CNTN6: variants seen among roughly 807,000 people sequenced by gnomAD.
CNTN6 encodes contactin-6.
CNTN6 carries 137 observed loss-of-function variants against 122.8 expected under a neutral mutation model. That is an observed-to-expected ratio of 1.12 (90% CI 0.97 to 1.29). CNTN6 has a LOEUF of 1.29. CNTN6 is among the 50% of genes most tolerant of loss of function. CNTN6 has a pLI of 0.00. For synonymous variants in CNTN6, 570 were observed against 426.0 expected, an observed-to-expected ratio of 1.34 and a Z score of -4.16; for missense variants, 1,634 against 1,223.4, an observed-to-expected ratio of 1.34 and a Z score of -5.01.
chr3:1,373,869 T>C (rs1024190058), intron 15 of CNTN6, 55 bp from the exon 16 acceptor site: 7 of 1,505,076 alleles, frequency 4.7e-6, no homozygotes, highest in Non-Finnish European at 4.5e-6. Flanking sequence ...TTTTGTACAA[T>C]TATTTGTTTT....
At chr3:1,121,839 T>G (rs974395318) in intron 1 of CNTN6, among the ~76,000 whole-genome samples, 11 of 152,090 alleles carry the variant, frequency 7.2e-5, no homozygotes, top group Non-Finnish European at 1.3e-4. Flanking sequence ...ACTCCAAACA[T>G]GAGAAAACAC....
intron 5 of CNTN6, among the ~76,000 whole-genome samples, chr3:1,280,372 C>G (rs189915673): frequency 5.3e-4 from 79 of 149,964 alleles, no homozygotes; most frequent in African/African-American, 1.8e-3. Context: ...AATTAAGTCA[C>G]ACATTTACAA....
chr3:1,120,318 G>T (rs2091901746), intron 1 of CNTN6, among the ~76,000 whole-genome samples: 1 of 151,850 alleles, frequency 6.6e-6, no homozygotes, highest in South Asian at 2.1e-4. Context: ...ATTCCTGCCA[G>T]CAATATACGA....
chr3:1,272,117 C>G (rs535221048), intron 4 of CNTN6, among the ~76,000 whole-genome samples: 1 of 152,324 alleles, frequency 6.6e-6, no homozygotes, highest in Non-Finnish European at 1.5e-5. Flanking sequence ...GTAAGACATG[C>G]CTTTGCTCCT....
chr3:1,142,546 T>C (rs536023492), intron 1 of CNTN6, among the ~76,000 whole-genome samples: 2 of 152,138 alleles, frequency 1.3e-5, no homozygotes, highest in Non-Finnish European at 2.9e-5. Context: ...AAATATATTT[T>C]AGAGTTTAGA....
intron 7 of CNTN6, among the ~76,000 whole-genome samples, chr3:1,321,068 A>G (rs768222703): frequency 2.0e-5 from 3 of 151,548 alleles, no homozygotes; most frequent in African/African-American, 7.3e-5. Flanking sequence ...ACCAGTTCAT[A>G]TGGGTCTGTT....
intron 1 of CNTN6, among the ~76,000 whole-genome samples, chr3:1,136,823 G>C (rs2092486897): frequency 6.6e-6 from 1 of 152,086 alleles, no homozygotes; most frequent in African/African-American, 2.4e-5. Context: ...GGATTTTTCT[G>C]CCACTTATCA....
At chr3:1,271,942 G>T (rs1368072591) in intron 4 of CNTN6, among the ~76,000 whole-genome samples, 1 of 152,178 alleles carries the variant, frequency 6.6e-6, no homozygotes, top group Non-Finnish European at 1.5e-5. Context: ...TTAAATTGTA[G>T]TTGCCATAAT....
intron 11 of CNTN6, among the ~76,000 whole-genome samples, chr3:1,340,844 G>T (rs1265050665): frequency 6.6e-6 from 1 of 152,058 alleles, no homozygotes; most frequent in East Asian, 1.9e-4. Context: ...ACAGGGAGCT[G>T]GAGTGAAAGG....
Position 1,388,189 on chromosome 3 carries a change from T to C in CNTN6, c.2704+2392T>C, listed in dbSNP as rs549114429. Among the ~76,000 whole-genome samples, 66 of 150,606 alleles carry C rather than the reference T, an allele frequency of 4.4e-4. No homozygotes were observed. The South Asian group carries it at 5.7e-3, about 13-fold the overall frequency. On this transcript the variant is annotated intron_variant, in intron 20 of 22. Coordinates refer to ENST00000446702, the MANE Select transcript of CNTN6 (RefSeq NM_001289080.2). ...CTGACAGCTTTGAAGAGAGCACTGG[T>C]TCTCCCAGCATGCAGCTGGAGATCT...
intron 3 of CNTN6, among the ~76,000 whole-genome samples, chr3:1,222,798 C>T (rs1026137196): frequency 1.1e-4 from 16 of 152,002 alleles, no homozygotes; most frequent in Non-Finnish European, 1.8e-4. Flanking sequence ...ATTATTTCAT[C>T]ATCCAGGCAC....
At position 1,112,894 on chromosome 3, in the gene CNTN6, G is replaced by A. The variant is rs140811344; in HGVS notation, c.-83+19774G>A. ...AGAGGAAGTTGTATTGGGGAGAAAA[G>A]CAAACATAAGAAATTTTCCAGAAGA... On this transcript the variant is annotated intron_variant, in intron 1 of 22. Coordinates refer to ENST00000446702, the MANE Select transcript of CNTN6 (RefSeq NM_001289080.2). Among the ~76,000 whole-genome samples, 917 of 152,194 alleles carry A rather than the reference G, an allele frequency of 6.0e-3. 1 individual carries two copies. The highest frequency in any genetic ancestry group is 9.1e-3 in the Non-Finnish European group (616 of 68,004).
intron 2 of CNTN6, among the ~76,000 whole-genome samples, chr3:1,214,294 TGGA>T (rs1559526698): frequency 2.2e-4 from 32 of 143,648 alleles, no homozygotes; most frequent in African/African-American, 8.2e-4. Flanking sequence ...ATGTGTTTGT[TGGA>T]TGTCTTTTTT....
rs536904618 is a variant in CNTN6 at position 1,386,604 on chromosome 3, A to G, written c.2704+807A>G. Among the ~76,000 whole-genome samples, 25 of 152,304 alleles carry G rather than the reference A, an allele frequency of 1.6e-4. No individual in the cohort carries two copies. The South Asian group carries it at 4.8e-3, about 29-fold the overall frequency. On this transcript the variant is annotated intron_variant, in intron 20 of 22. Coordinates refer to ENST00000446702, the MANE Select transcript of CNTN6 (RefSeq NM_001289080.2). ...ATCATCCGACTTAGTTGTTCCTGTA[A>G]GATGATTTTTTTGTGGTTGAATAAT...
intron 20 of CNTN6, among the ~76,000 whole-genome samples, chr3:1,398,580 A>G (rs1425024392): frequency 1.3e-5 from 2 of 152,172 alleles, no homozygotes; most frequent in South Asian, 2.1e-4. Flanking sequence ...TGATTATGTC[A>G]TAACACCACA....
rs570619959 is a variant in CNTN6 at position 1,099,448 on chromosome 3, C to CT, written c.-83+6329dup. Among the ~76,000 whole-genome samples the CT allele has an allele frequency of 6.3e-3, 965 of 152,188 alleles. 15 individuals are homozygous for CT. Among genetic ancestry groups the CT allele is most frequent in the African/African-American group, 0.021 (892 of 41,512 alleles). On this transcript the variant is annotated intron_variant, in intron 1 of 22. Coordinates refer to ENST00000446702, the MANE Select transcript of CNTN6 (RefSeq NM_001289080.2). The stretch of plus-strand genomic sequence containing the variant: ...CCTGGGTGACAGAGCCAGACTCTGT[C>CT]TCAAAAAATTAATTAATTAATTTAA...
chr3:1,292,588 T>A (rs76198353), intron 5 of CNTN6, among the ~76,000 whole-genome samples: 13,885 of 152,138 alleles, frequency 0.091, 732 homozygotes, highest in African/African-American at 0.15. Flanking sequence ...CTAATGTACA[T>A]CAGGTGTGGG....
At chr3:1,312,128 T>G (rs970070327) in intron 7 of CNTN6, among the ~76,000 whole-genome samples, 3 of 152,092 alleles carry the variant, frequency 2.0e-5, no homozygotes, top group African/African-American at 7.2e-5. Flanking sequence ...GAGGGGCCAC[T>G]GTCAAAGACC....
intron 5 of CNTN6, among the ~76,000 whole-genome samples, chr3:1,282,363 G>A (rs1252807085): frequency 6.6e-6 from 1 of 152,136 alleles, no homozygotes; most frequent in Non-Finnish European, 1.5e-5. Flanking sequence ...GCATCACAGT[G>A]CAAAAGAAAA....
Sources: allele counts gnomAD v4.1 joint callset (sites outside exome capture counted in the v4.1 genomes callset), GRCh38; gene constraint gnomAD v4.1.1; transcripts MANE v1.5; gene names NCBI Gene and HGNC (gene_info 2026-07-23, HGNC 2026-07-21).